SPATS2: variants seen among roughly 807,000 people sequenced by gnomAD.
The protein encoded by SPATS2 is spermatogenesis-associated serine-rich protein 2.
SPATS2 carries 38 observed loss-of-function variants against 63.7 expected under a neutral mutation model. The ratio of observed to expected loss-of-function variants is 0.60; its 90% CI spans 0.46 to 0.78. SPATS2 has a LOEUF of 0.78. SPATS2 is among the 30% of genes least tolerant of loss of function. The pLI is 0.00. For missense variants in SPATS2, 588 were observed against 666.2 expected (o/e 0.88, Z 1.29); for synonymous variants, 207 against 232.9 (o/e 0.89, Z 1.01).
At chr12:49,482,515 G>A (rs1946223824) in intron 3 of SPATS2, among the ~76,000 whole-genome samples, 1 of 152,146 alleles carries the variant, frequency 6.6e-6, no homozygotes, top group Non-Finnish European at 1.5e-5. Context: ...AAGTAGCAGT[G>A]CACATTGCTT....
chr12:49,391,675 A>G (rs1944421509), intron 2 of SPATS2, among the ~76,000 whole-genome samples: 1 of 152,188 alleles, frequency 6.6e-6, no homozygotes, highest in Admixed American at 6.5e-5. Flanking sequence ...ATGATGAAAT[A>G]TATTATACTC....
intron 3 of SPATS2, among the ~76,000 whole-genome samples, chr12:49,465,560 T>TTTA (rs1945897891): frequency 1.3e-5 from 2 of 152,210 alleles, no homozygotes; most frequent in South Asian, 4.1e-4. Context: ...ATTATCGAAT[T>TTTA]CTAAGAGTTC....
chr12:49,462,054 G>T (rs1368166965), intron 3 of SPATS2, among the ~76,000 whole-genome samples: 1 of 151,972 alleles, frequency 6.6e-6, no homozygotes, highest in Non-Finnish European at 1.5e-5. Flanking sequence ...AAATACTATA[G>T]TAAAAATAGG....
At chr12:49,426,772 T>A (rs951522999) in intron 2 of SPATS2, among the ~76,000 whole-genome samples, 1 of 152,198 alleles carries the variant, frequency 6.6e-6, no homozygotes, top group Non-Finnish European at 1.5e-5. Flanking sequence ...CTCGATCTCC[T>A]GACCTCGTGA....
At chr12:49,436,800 A>C (rs1482345717) in intron 2 of SPATS2, among the ~76,000 whole-genome samples, 3 of 124,502 alleles carry the variant, frequency 2.4e-5, no homozygotes, top group Non-Finnish European at 3.4e-5. Context: ...ACTTCCCAGT[A>C]GGGGCGGCCG....
chr12:49,500,759 G>A (rs567407493), intron 9 of SPATS2, among the ~76,000 whole-genome samples: 10 of 151,428 alleles, frequency 6.6e-5, no homozygotes, highest in Admixed American at 3.3e-4. Flanking sequence ...GCGACAGAGC[G>A]AAACTCTGTC....
chr12:49,472,461 G>A (rs1340167489), intron 3 of SPATS2, among the ~76,000 whole-genome samples: 2 of 151,210 alleles, frequency 1.3e-5, no homozygotes, highest in Non-Finnish European at 2.9e-5. Context: ...GAAAAGGCAA[G>A]TTACAGAATG....
intron 2 of SPATS2, among the ~76,000 whole-genome samples, chr12:49,399,237 A>G (rs1376518576): frequency 6.6e-6 from 1 of 152,044 alleles, no homozygotes; most frequent in African/African-American, 2.4e-5. Context: ...ATAGTTTTGT[A>G]AAGCTTGTTT....
chr12:49,454,744 A>T (rs571251385), intron 2 of SPATS2, among the ~76,000 whole-genome samples: 96 of 152,190 alleles, frequency 6.3e-4, no homozygotes, highest in African/African-American at 2.3e-3. Context: ...TTAGCCAGGC[A>T]TGGTGGTATG....
At chr12:49,391,235 C>T (rs1162967890) in intron 2 of SPATS2, among the ~76,000 whole-genome samples, 4 of 152,180 alleles carry the variant, frequency 2.6e-5, no homozygotes, top group Non-Finnish European at 5.9e-5. Context: ...TCAAATATGC[C>T]GGGCGCGGTG....
chr12:49,462,373 C>G (rs1174803090), intron 3 of SPATS2: 2 of 702,302 alleles, frequency 2.8e-6, no homozygotes, highest in East Asian at 5.4e-5. Context: ...TGTGTGGGCC[C>G]CGTGGCAGCA....
At chr12:49,402,853 T>A (rs1944629753) in intron 2 of SPATS2, among the ~76,000 whole-genome samples, 1 of 152,110 alleles carries the variant, frequency 6.6e-6, no homozygotes, top group Admixed American at 6.5e-5. Flanking sequence ...CCCTCTGGTA[T>A]AAGAGTGTGA....
chr12:49,494,483 G>T (rs1946432914), intron 6 of SPATS2, among the ~76,000 whole-genome samples: 1 of 151,640 alleles, frequency 6.6e-6, no homozygotes, highest in South Asian at 2.1e-4. Context: ...TTTATCTTTT[G>T]ATTTTGTTGA....
chr12:49,384,417 A>G (rs1225294544), intron 2 of SPATS2, among the ~76,000 whole-genome samples: 1 of 152,234 alleles, frequency 6.6e-6, no homozygotes, highest in Non-Finnish European at 1.5e-5. Context: ...CTGTCTCTTT[A>G]GTCCCATTCC....
At chr12:49,390,493 T>G (rs1944400264) in intron 2 of SPATS2, among the ~76,000 whole-genome samples, 1 of 152,216 alleles carries the variant, frequency 6.6e-6, no homozygotes, top group Admixed American at 6.5e-5. Context: ...ATGTGAGAAT[T>G]CATAAAATTA....
intron 9 of SPATS2, among the ~76,000 whole-genome samples, chr12:49,501,469 C>T (rs975449027): frequency 2.0e-5 from 3 of 152,224 alleles, no homozygotes; most frequent in Admixed American, 6.5e-5. Context: ...GGTCCCACCT[C>T]TCACCACTGT....
intron 6 of SPATS2, among the ~76,000 whole-genome samples, chr12:49,492,034 C>G (rs1946391079): frequency 6.6e-6 from 1 of 152,110 alleles, no homozygotes; most frequent in Non-Finnish European, 1.5e-5. Flanking sequence ...GAACAAAAAC[C>G]AGGCTTGGCC....
chr12:49,376,723 T>C (rs1944111439), intron 2 of SPATS2, among the ~76,000 whole-genome samples: 1 of 139,286 alleles, frequency 7.2e-6, no homozygotes, highest in African/African-American at 2.7e-5. Context: ...TTTTTTTTTT[T>C]TTTTTTTTTT....
chr12:49,513,367 T>A (rs1195160025), intron 9 of SPATS2, among the ~76,000 whole-genome samples: 1 of 152,210 alleles, frequency 6.6e-6, no homozygotes, highest in Non-Finnish European at 1.5e-5. Flanking sequence ...TTTGTGCAAG[T>A]ATTAACATTC....
Sources: gnomAD v4.1 joint callset for allele counts (sites outside exome capture counted in the v4.1 genomes callset) on GRCh38, gnomAD v4.1.1 for gene constraint, MANE v1.5 for transcripts, NCBI Gene and HGNC (gene_info 2026-07-23, HGNC 2026-07-21) for gene names.